The following FGF9 variants were observed in gnomAD, a reference collection of about 807,000 sequenced individuals.
The protein encoded by FGF9 is fibroblast growth factor 9 (glia-activating factor).
Under a neutral mutation model 19.9 loss-of-function variants are expected in FGF9, and 3 were observed. The ratio of observed to expected loss-of-function variants is 0.15; its 90% confidence interval spans 0.07 to 0.39. The LOEUF (loss-of-function observed/expected upper bound fraction) is 0.39. Ranked by LOEUF, FGF9 falls within the 10% of genes least tolerant of loss-of-function variation. The pLI, the probability that FGF9 is intolerant of heterozygous loss-of-function variation, is 1.00. For missense variants in FGF9, 175 were observed against 256.8 expected (o/e 0.68, Z 2.18); for synonymous variants, 107 against 106.9 (o/e 1.00, Z -0.01).
At chr13:21,697,838 T>G (rs1347153423) in intron 2 of FGF9, among the ~76,000 whole-genome samples, 3 of 150,198 alleles carry the variant, frequency 2.0e-5, no homozygotes, top group Non-Finnish European at 4.4e-5. Context: ...ACGGAGTCTC[T>G]CTCTGTCGCC....
rs1022952117 is a variant in FGF9, at chr13:21,672,290, C to T, written c.277+101C>T. On this transcript the variant is annotated intron_variant, in intron 1 of 2. Coordinates refer to ENST00000382353, the MANE Select transcript of FGF9 (RefSeq NM_002010.3). The surrounding 1 kb of genome is among the most constrained non-coding windows in gnomAD (Gnocchi z 4.2). ...GGTGGGGGACGTGGGAAGGGTTCTC[C>T]CCTCCTCCCCTCTTTCTCTGTATCT... The T allele has an allele frequency of 4.9e-6, 6 of 1,230,306 alleles. No individual in the cohort carries two copies. Among genetic ancestry groups the T allele is most frequent in the Non-Finnish European group, 7.2e-6 (6 of 838,916 alleles). 76.2% of individuals were successfully genotyped at this position (1,230,306 alleles called of 1,614,324 possible).
In FGF9 at chr13:21,672,271, G is replaced by A; in HGVS notation, c.277+82G>A. ...ACCAAGAAGGTGGTGGCCGGGTGGG[G>A]GACGTGGGAAGGGTTCTCCCCTCCT... On this transcript the variant is annotated intron_variant, in intron 1 of 2. Transcript: ENST00000382353. The surrounding 1 kb of genome is among the most constrained non-coding windows in gnomAD (Gnocchi z 4.2). The A allele has an allele frequency of 9.3e-6, 14 of 1,507,372 alleles. No homozygotes were observed. The South Asian group carries it at 1.5e-4, about 16-fold the overall frequency. 93.4% of individuals were successfully genotyped at this position (1,507,372 alleles called of 1,614,324 possible). A position where few individuals can be genotyped will look rare whatever the true frequency, so the allele number is the denominator to read the frequency against.
In FGF9 at chr13:21,672,581, C is replaced by T. The variant is rs17070004; in HGVS notation, c.277+392C>T. ...AGAACTTAATGCAGTTTCTTGAAGG[C>T]AGTGGGTATCTTGTGCCCAAATTAA... On this transcript the variant is annotated intron_variant, in intron 1 of 2. Transcript: ENST00000382353. The surrounding 1 kb of genome is among the most constrained non-coding windows in gnomAD (Gnocchi z 4.2). Among the ~76,000 whole-genome samples, 1 of 152,226 alleles carries T rather than the reference C, an allele frequency of 6.6e-6. No homozygotes were observed. Among genetic ancestry groups the T allele is most frequent in the East Asian group, 1.9e-4 (1 of 5,200 alleles).
chr13:21,682,285 C>T (rs774609729), intron 2 of FGF9, among the ~76,000 whole-genome samples: 1 of 151,868 alleles, frequency 6.6e-6, no homozygotes, highest in South Asian at 2.1e-4. Flanking sequence ...AGTAACTTAT[C>T]GTTGCAATTA....
At position 21,671,958 on chromosome 13, in the gene FGF9, G is replaced by T; in HGVS notation, c.46G>T (p.Ala16Ser). 1 of 1,614,162 alleles carries T rather than the reference G, an allele frequency of 6.2e-7. No individual in the cohort carries two copies. Among genetic ancestry groups the T allele is most frequent in the South Asian group, 1.1e-5 (1 of 91,088 alleles). ...TGGGAACTATTTCGGTGTGCAGGATGCGGTACCGTTTGGGAATGTGCCCGT... is the reference window on the plus strand; with the variant it reads ...TGGGAACTATTTCGGTGTGCAGGATTCGGTACCGTTTGGGAATGTGCCCGT... Reference protein sequence around the residue: ...EVGNYFGVQDAVPFGNVPVLP... With the variant: ...EVGNYFGVQDSVPFGNVPVLP... The change falls in exon 1 of 3, where the codon GCG becomes TCG. Residue 16 changes from alanine to serine, a missense_variant. Transcript: ENST00000382353.
rs1872279057 is a variant in FGF9, at chr13:21,691,074, C to T, written c.381+9929C>T. Among the ~76,000 whole-genome samples, 1 of 152,226 alleles carries T rather than the reference C, an allele frequency of 6.6e-6. No homozygotes were observed. The highest frequency in any genetic ancestry group is 2.4e-5 in the African/African-American group (1 of 41,466). ...TTATGACCAGAGGCTCACAGGAACC[C>T]AACCCTGTATTTCCCCCGGGAGCAA... On this transcript the variant is annotated intron_variant, in intron 2 of 2. Coordinates refer to ENST00000382353, the MANE Select transcript of FGF9 (RefSeq NM_002010.3). This position sits in a 1 kb window ranked among gnomAD's most constrained non-coding sequence, Gnocchi z 4.2.
intron 1 of FGF9, among the ~76,000 whole-genome samples, chr13:21,679,895 T>C (rs1426091691): frequency 6.7e-6 from 1 of 148,356 alleles, no homozygotes. Context: ...AGGCGGAGCT[T>C]GCAGTGAGCC....
intron 2 of FGF9, among the ~76,000 whole-genome samples, chr13:21,695,762 G>A (rs1565953482): frequency 6.6e-6 from 1 of 152,330 alleles, no homozygotes; most frequent in South Asian, 2.1e-4. Context: ...GTAGATATGA[G>A]AATGAATGAT....
At position 21,704,364 on chromosome 13, in the gene FGF9, CTTCTGGTGTTTTTATTCTAT is replaced by C. The variant is rs1872606769; in HGVS notation, c.*2933_*2952del. The C allele has an allele frequency of 6.6e-6, 1 of 152,174 alleles. No individual in the cohort carries two copies. The highest frequency in any genetic ancestry group is 2.4e-5 in the African/African-American group (1 of 41,438). 9.4% of individuals were successfully genotyped at this position (152,174 alleles called of 1,614,324 possible). A position where few individuals can be genotyped will look rare whatever the true frequency, so the allele number is the denominator to read the frequency against. Reference sequence around the variant, plus strand: ...GTTTTGTAGATAAACAAATGGCTGCCTTCTGGTGTTTTTATTCTATTTCATCTCATTAACACTACAACCTT... The same window carrying C: ...GTTTTGTAGATAAACAAATGGCTGCCTTCATCTCATTAACACTACAACCTT... On this transcript the variant is annotated 3_prime_UTR_variant, in exon 3 of 3. Coordinates refer to ENST00000382353, the MANE Select transcript of FGF9 (RefSeq NM_002010.3).
At chr13:21,675,210 G>C (rs1871883111) in intron 1 of FGF9, among the ~76,000 whole-genome samples, 1 of 152,084 alleles carries the variant, frequency 6.6e-6, no homozygotes, top group South Asian at 2.1e-4. Context: ...ATGGAGTTGA[G>C]TGGGTGGCTG....
rs1270992599 is a variant in FGF9 at position 21,703,185 on chromosome 13, CAT to C, written c.*1751_*1752del. The C allele has an allele frequency of 2.0e-5, 3 of 152,204 alleles. No individual in the cohort carries two copies. Among genetic ancestry groups the C allele is most frequent in the Admixed American group, 6.5e-5 (1 of 15,288 alleles). 9.4% of individuals were successfully genotyped at this position (152,204 alleles called of 1,614,324 possible). ...GAGAAGTGCAAAGTGACGGTTTAAACATGTGTTGGGATTTATTGAACTAATTT... is the reference window on the plus strand; with the variant it reads ...GAGAAGTGCAAAGTGACGGTTTAAACGTGTTGGGATTTATTGAACTAATTT... On this transcript the variant is annotated 3_prime_UTR_variant, in exon 3 of 3. Coordinates refer to ENST00000382353, the MANE Select transcript of FGF9 (RefSeq NM_002010.3).
intron 2 of FGF9, among the ~76,000 whole-genome samples, chr13:21,686,617 A>G (rs961230296): frequency 6.6e-6 from 1 of 152,320 alleles, no homozygotes; most frequent in East Asian, 1.9e-4. Context: ...CCAGAATTGT[A>G]ATTCCTGCTG....
At position 21,671,557 on chromosome 13, in the gene FGF9, G is replaced by A. The variant is rs1348203164; in HGVS notation, c.-356G>A. Reference sequence around the variant, plus strand: ...TGGTCATTCTGATCTCAAACCAAATGGAGAAACTACGGATTTTTTTTCCTT... The same window carrying A: ...TGGTCATTCTGATCTCAAACCAAATAGAGAAACTACGGATTTTTTTTCCTT... On this transcript the variant is annotated 5_prime_UTR_variant, in exon 1 of 3. An upstream start codon of the reference 5' UTR is lost. Coordinates refer to ENST00000382353, the MANE Select transcript of FGF9 (RefSeq NM_002010.3). 1.4e-5 allele frequency: 7 copies of A among 510,422 alleles called. No homozygotes were observed. Among genetic ancestry groups the A allele is most frequent in the Non-Finnish European group, 2.4e-5 (7 of 292,166 alleles). 31.6% of individuals were successfully genotyped at this position (510,422 alleles called of 1,614,324 possible).
chr13:21,677,190 G>A (rs549737947), intron 1 of FGF9, among the ~76,000 whole-genome samples: 7 of 152,272 alleles, frequency 4.6e-5, no homozygotes, highest in East Asian at 1.9e-4. Flanking sequence ...ACTGTGGGCC[G>A]TCTGAGCTAA....
intron 2 of FGF9, among the ~76,000 whole-genome samples, chr13:21,698,942 C>T (rs966610760): frequency 6.6e-6 from 1 of 152,084 alleles, no homozygotes; most frequent in Non-Finnish European, 1.5e-5. Flanking sequence ...TACAGCAAAC[C>T]GAAACCAGCT....
intron 2 of FGF9, 140 bp downstream of exon 2, chr13:21,681,285 C>A (rs1248978104): frequency 6.0e-6 from 4 of 667,866 alleles, no homozygotes; most frequent in East Asian, 2.8e-5. Flanking sequence ...TTGAGGAAAG[C>A]CATTTTATTT....
chr13:21,687,877 C>T (rs1382657539), intron 2 of FGF9, among the ~76,000 whole-genome samples: 1 of 152,168 alleles, frequency 6.6e-6, no homozygotes, highest in Non-Finnish European at 1.5e-5. Flanking sequence ...CTCCTGGATA[C>T]CCTTAAAACA....
intron 2 of FGF9, among the ~76,000 whole-genome samples, chr13:21,694,259 C>G (rs929026234): frequency 2.0e-5 from 3 of 152,120 alleles, no homozygotes; most frequent in Non-Finnish European, 4.4e-5. Context: ...TGTCTTTGAG[C>G]TTATACTGTC....
Position 21,685,509 on chromosome 13 carries a change from C to T in FGF9, c.381+4364C>T, listed in dbSNP as rs190635194. On this transcript the variant is annotated intron_variant, in intron 2 of 2. Coordinates refer to ENST00000382353, the MANE Select transcript of FGF9 (RefSeq NM_002010.3). ...AAAACTATATTGCTAATGAGTATAA[C>T]GATTTGATTAGAAGGAGAATATGAA... Among the ~76,000 whole-genome samples the T allele has an allele frequency of 2.6e-3, 393 of 152,166 alleles. 2 individuals are homozygous for T. The highest frequency in any genetic ancestry group is 9.1e-3 in the African/African-American group (376 of 41,492).
Sources: allele counts gnomAD v4.1 joint callset (sites outside exome capture counted in the v4.1 genomes callset), GRCh38; gene constraint gnomAD v4.1.1; non-coding constraint Gnocchi (gnomAD v3.1); transcripts MANE v1.5; gene names NCBI Gene and HGNC (gene_info 2026-07-23, HGNC 2026-07-21).